Variants in PCDHGB1 observed in about 807,000 individuals in gnomAD.
PCDHGB1 encodes the protein protocadherin gamma subfamily B, 1.
Under a neutral mutation model 56.6 loss-of-function variants are expected in PCDHGB1, and 34 were observed. The ratio of observed to expected loss-of-function variants is 0.60; its 90% confidence interval spans 0.46 to 0.80. The LOEUF (loss-of-function observed/expected upper bound fraction) is 0.80. Among genes scored for constraint, PCDHGB1 ranks in the 30% least tolerant of loss-of-function variants. PCDHGB1 has a pLI of 0.00. For synonymous variants in PCDHGB1, 561 were observed against 505.9 expected, an observed-to-expected ratio of 1.11 and a Z score of -1.46; for missense variants, 1,278 against 1,204.6, an observed-to-expected ratio of 1.06 and a Z score of -0.90.
chr5:141,431,571 A>T lies in PCDHGB1; in HGVS notation c.2410-63236A>T, dbSNP rs781289120. 1.2e-6 allele frequency: 2 copies of T among 1,614,026 alleles called. No homozygotes were observed. Among genetic ancestry groups the T allele is most frequent in the African/African-American group, 1.3e-5 (1 of 74,938 alleles). On this transcript the variant is annotated intron_variant, in intron 1 of 3. Coordinates refer to ENST00000523390, the MANE Select transcript of PCDHGB1 (RefSeq NM_018922.3). This position sits in a 1 kb window ranked among gnomAD's most constrained non-coding sequence, Gnocchi z 4.8. ...GTAGTCAACGCTACCGACCCTGACG[A>T]AGGAGTCAATGCGGAAGTGAGGTAT...
chr5:141,417,783 C>T, intron 1 of PCDHGB1: 1 of 1,474,286 alleles, frequency 6.8e-7, no homozygotes, highest in Non-Finnish European at 9.0e-7. Flanking sequence ...TGTCCTGGGC[C>T]GAATGCTCTT....
chr5:141,428,388 C>A, intron 1 of PCDHGB1: 1 of 506,160 alleles, frequency 2.0e-6, no homozygotes, highest in African/African-American at 1.9e-5. Flanking sequence ...GCTCTTCCAG[C>A]CCCTCTGCCT....
intron 1 of PCDHGB1, among the ~76,000 whole-genome samples, chr5:141,467,824 G>A (rs1272399938): frequency 2.0e-5 from 3 of 151,798 alleles, no homozygotes; most frequent in Non-Finnish European, 4.4e-5. Flanking sequence ...ACACCAGGCT[G>A]ATTTTTATAT....
At chr5:141,356,196 G>A in intron 1 of PCDHGB1, 2 of 1,609,400 alleles carry the variant, frequency 1.2e-6, no homozygotes, top group Admixed American at 1.7e-5. Context: ...CTAGAAGCAA[G>A]GTACTGGTGA....
At chr5:141,394,769 C>A in intron 1 of PCDHGB1, 1 of 1,613,514 alleles carries the variant, frequency 6.2e-7, no homozygotes, top group African/African-American at 1.3e-5. Context: ...ATGGCCAGCC[C>A]CCTCTCTCCG....
intron 1 of PCDHGB1, among the ~76,000 whole-genome samples, chr5:141,358,035 A>C (rs1288596535): frequency 6.6e-6 from 1 of 152,126 alleles, no homozygotes; most frequent in Non-Finnish European, 1.5e-5. Context: ...ACTAAAATAC[A>C]AAAAGTTAGC....
rs1759008102 is a variant in PCDHGB1 at position 141,352,421 on chromosome 5, G to A, written c.2161G>A (p.Gly721Ser). 1.2e-6 allele frequency: 2 copies of A among 1,613,902 alleles called. No homozygotes were observed. The highest frequency in any genetic ancestry group is 1.7e-5 in the Admixed American group (1 of 60,006). Residue 721 changes from glycine (G) to serine (S), a missense_variant, in exon 1 of 4, where the codon GGC (glycine) becomes AGC (serine). By Grantham distance (56) the Gly-to-Ser change is moderately conservative. Coordinates refer to ENST00000523390, the MANE Select transcript of PCDHGB1 (RefSeq NM_018922.3). ...LRRSSSLDTE[G>S]CFQTGLCSKS... The stretch of plus-strand genomic sequence containing the variant: ...ACGTTCCTCCAGCCTCGACACTGAG[G>A]GCTGCTTTCAAACCGGTCTCTGCTC...
At chr5:141,375,391 A>C in intron 1 of PCDHGB1, 1 of 1,613,938 alleles carries the variant, frequency 6.2e-7, no homozygotes, top group Non-Finnish European at 8.5e-7. Flanking sequence ...CTACAGAAAC[A>C]ATCATCTCTC....
chr5:141,385,609 A>AT (rs1360178959), intron 1 of PCDHGB1: 2 of 1,138,046 alleles, frequency 1.8e-6, no homozygotes, highest in African/African-American at 3.2e-5. Flanking sequence ...TAACTCATAT[A>AT]TTTTATACAT....
At chr5:141,446,231 C>T (rs1412899811) in intron 1 of PCDHGB1, among the ~76,000 whole-genome samples, 2 of 152,176 alleles carry the variant, frequency 1.3e-5, no homozygotes, top group African/African-American at 2.4e-5. Flanking sequence ...TGTTGCCTGG[C>T]AAGTGGTAGA....
chr5:141,393,127 A>T (rs766823317), intron 1 of PCDHGB1: 14 of 1,613,320 alleles, frequency 8.7e-6, no homozygotes, highest in Non-Finnish European at 1.2e-5. Flanking sequence ...TGTCTGATAA[A>T]TATTAACACC....
chr5:141,463,480 G>A (rs964539275), intron 1 of PCDHGB1, among the ~76,000 whole-genome samples: 3 of 114,320 alleles, frequency 2.6e-5, no homozygotes, highest in African/African-American at 1.1e-4. Context: ...ATGGAGTCTC[G>A]CTCTGTCACC....
At chr5:141,408,271 T>A in intron 1 of PCDHGB1, 23 of 1,610,976 alleles carry the variant, frequency 1.4e-5, no homozygotes, top group Non-Finnish European at 1.9e-5. Context: ...TGCTGCTGCC[T>A]TTGTTCTACC....
In PCDHGB1 at chr5:141,487,128, G is replaced by T. The variant is rs565927415; in HGVS notation, c.2410-7679G>T. On this transcript the variant is annotated intron_variant, in intron 1 of 3. Transcript: ENST00000523390. This position sits in a 1 kb window ranked among gnomAD's most constrained non-coding sequence, Gnocchi z 5.0. ...GTCATTGTGGTAAAGGATAGTGGTA[G>T]TCCACCACTCTCTACCTCTGTTACT... The T allele has an allele frequency of 6.3e-5, 102 of 1,614,086 alleles. No individual in the cohort carries two copies. The South Asian group carries it at 7.7e-4, about 12-fold the overall frequency.
At chr5:141,443,109 C>A (rs373919534) in intron 1 of PCDHGB1, among the ~76,000 whole-genome samples, 2 of 152,100 alleles carry the variant, frequency 1.3e-5, no homozygotes, top group South Asian at 2.1e-4. Flanking sequence ...CTGAACCTTG[C>A]TTTTCAAACC....
intron 1 of PCDHGB1, chr5:141,423,486 C>G: frequency 6.2e-7 from 1 of 1,613,952 alleles, no homozygotes; most frequent in Non-Finnish European, 8.5e-7. Context: ...TCCTGCAAAC[C>G]TATTCCCACG....
At chr5:141,409,381 G>T (rs1258881607) in intron 1 of PCDHGB1, 1 of 1,614,018 alleles carries the variant, frequency 6.2e-7, no homozygotes, top group Admixed American at 1.7e-5. Context: ...TTCCATTCAA[G>T]ATTTATTCTT....
chr5:141,428,856 G>A (rs1195849417), intron 1 of PCDHGB1: 4 of 143,808 alleles, frequency 2.8e-5, no homozygotes, highest in Admixed American at 1.4e-4. Flanking sequence ...ATTTTTACGG[G>A]AGACTTTTTT....
At chr5:141,389,816 G>T (rs1359127304) in intron 1 of PCDHGB1, 7 of 1,613,776 alleles carry the variant, frequency 4.3e-6, no homozygotes, top group Non-Finnish European at 5.9e-6. Context: ...TGGTCGCCGT[G>T]CGTGACGGTG....
Sources: allele counts gnomAD v4.1 joint callset (sites outside exome capture counted in the v4.1 genomes callset), GRCh38; gene constraint gnomAD v4.1.1; non-coding constraint Gnocchi (gnomAD v3.1); transcripts MANE v1.5; gene names NCBI Gene and HGNC (gene_info 2026-07-23, HGNC 2026-07-21).